Variants in STK32B observed in about 807,000 individuals in gnomAD.
The protein encoded by STK32B is serine/threonine-protein kinase 32B.
Under a neutral mutation model 52.6 loss-of-function variants are expected in STK32B, and 43 were observed. That is an observed-to-expected ratio of 0.82 (90% confidence interval 0.64 to 1.05). The LOEUF is 1.05. Among genes scored for constraint, STK32B ranks in the 50% least tolerant of loss-of-function variants. STK32B has a pLI of 0.00. For synonymous variants in STK32B, 238 were observed against 204.3 expected, an observed-to-expected ratio of 1.17 and a Z score of -1.41; for missense variants, 621 against 534.6, an observed-to-expected ratio of 1.16 and a Z score of -1.59.
chr4:5,383,172 C>T lies in STK32B; in HGVS notation c.435-15035C>T, dbSNP rs147878141. On this transcript the variant is annotated intron_variant, in intron 4 of 11. Transcript: ENST00000282908. ...CCGTGGGTAGGTGAGTGTGGGTGTC[C>T]GGGCCTGGAGGGTGCGTATTTTTCA... is the stretch of plus-strand genomic sequence containing the variant. Among the ~76,000 whole-genome samples, 60 of 152,258 alleles carry T rather than the reference C, an allele frequency of 3.9e-4. 1 individual carries two copies. In the East Asian group the frequency reaches 0.01, roughly 26 times the overall value.
chr4:5,417,662 G>T (rs980250167), intron 6 of STK32B, among the ~76,000 whole-genome samples: 4 of 151,914 alleles, frequency 2.6e-5, no homozygotes, highest in Non-Finnish European at 5.9e-5. Context: ...AATTAATGTT[G>T]TTTTTCAGGT....
At chr4:5,103,723 A>G (rs982148561) in intron 1 of STK32B, among the ~76,000 whole-genome samples, 6 of 152,190 alleles carry the variant, frequency 3.9e-5, no homozygotes, top group African/African-American at 1.4e-4. Context: ...GGTAATTTGC[A>G]TGTCACCTAC....
At chr4:5,131,441 G>C (rs1715765544) in intron 1 of STK32B, among the ~76,000 whole-genome samples, 1 of 152,154 alleles carries the variant, frequency 6.6e-6, no homozygotes, top group Non-Finnish European at 1.5e-5. Flanking sequence ...AACATCAACA[G>C]ACCATATTTT....
intron 6 of STK32B, 105 bp from the exon 7 acceptor site, chr4:5,446,568 A>C: frequency 2.2e-5 from 20 of 916,644 alleles, no homozygotes; most frequent in East Asian, 9.5e-5. Flanking sequence ...AAAAAAAACA[A>C]AAAAAAAAAA....
At chr4:5,067,579 T>C (rs1742472505) in intron 1 of STK32B, among the ~76,000 whole-genome samples, 1 of 152,210 alleles carries the variant, frequency 6.6e-6, no homozygotes, top group Admixed American at 6.5e-5. Context: ...AATAAAATTA[T>C]ACTTAATAAA....
chr4:5,144,814 ATCC>A (rs1716781739), intron 2 of STK32B, among the ~76,000 whole-genome samples: 2 of 152,094 alleles, frequency 1.3e-5, no homozygotes, highest in African/African-American at 4.8e-5. Context: ...CCATCCATCC[ATCC>A]ATCCATCCAT....
At position 5,292,737 on chromosome 4, in the gene STK32B, G is replaced by T. The variant is rs13151806; in HGVS notation, c.261-38483G>T. ...AAACTTTTGCCTAGGCCAATGTCCA[G>T]CAGAGTATTTCCTAGGTTTTGCTCT... On this transcript the variant is annotated intron_variant, in intron 3 of 11. Transcript: ENST00000282908. 4.9e-3 allele frequency among the ~76,000 whole-genome samples: 744 copies of T among 152,056 alleles called. 9 individuals are homozygous for T. Among genetic ancestry groups the T allele is most frequent in the Middle Eastern group, 0.01 (3 of 294 alleles).
intron 11 of STK32B, among the ~76,000 whole-genome samples, chr4:5,477,700 G>T (rs547776429): frequency 6.6e-6 from 1 of 152,314 alleles, no homozygotes; most frequent in African/African-American, 2.4e-5. Flanking sequence ...GCCCTCTGGA[G>T]AGTTTTGCCC....
chr4:5,022,230 CTT>C, the STK32B span, among the ~76,000 whole-genome samples: 1 of 152,178 alleles, frequency 6.6e-6, no homozygotes, highest in Non-Finnish European at 1.5e-5. Context: ...GAAAGACAGT[CTT>C]TCTCATCTGT....
chr4:5,056,763 A>G (rs999613866), intron 1 of STK32B, among the ~76,000 whole-genome samples: 2 of 152,208 alleles, frequency 1.3e-5, no homozygotes, highest in Non-Finnish European at 2.9e-5. Context: ...AATTGGCTGG[A>G]CTGTGTCACA....
chr4:5,205,112 T>G (rs1722465830), intron 3 of STK32B, among the ~76,000 whole-genome samples: 1 of 152,170 alleles, frequency 6.6e-6, no homozygotes, highest in Non-Finnish European at 1.5e-5. Context: ...AGCAGGGACA[T>G]CCACCTTCTT....
intron 3 of STK32B, among the ~76,000 whole-genome samples, chr4:5,247,059 C>G (rs576424899): frequency 2.0e-5 from 3 of 152,220 alleles, no homozygotes; most frequent in Admixed American, 6.5e-5. Flanking sequence ...GTTCTCAGAT[C>G]TCAAGCTGCA....
intron 1 of STK32B, among the ~76,000 whole-genome samples, chr4:5,077,221 A>G (rs1712137114): frequency 6.6e-6 from 1 of 152,190 alleles, no homozygotes; most frequent in African/African-American, 2.4e-5. Context: ...CTGTACATTT[A>G]ATATGGTCCC....
chr4:5,365,411 G>A (rs1734812551), intron 4 of STK32B, among the ~76,000 whole-genome samples: 1 of 152,302 alleles, frequency 6.6e-6, no homozygotes, highest in Admixed American at 6.5e-5. Context: ...GTGTCCAGAG[G>A]AAGTGAGGGA....
the STK32B span, among the ~76,000 whole-genome samples, chr4:5,039,153 T>G: frequency 6.6e-6 from 1 of 151,912 alleles, no homozygotes; most frequent in Non-Finnish European, 1.5e-5. Flanking sequence ...TGCCCAGATA[T>G]ATATATATTT....
At chr4:5,189,363 G>T (rs1721003913) in intron 3 of STK32B, among the ~76,000 whole-genome samples, 2 of 152,180 alleles carry the variant, frequency 1.3e-5, no homozygotes, top group Non-Finnish European at 2.9e-5. Flanking sequence ...AGTGTTTTCA[G>T]AGTTGTGCCT....
chr4:5,397,185 T>G (rs1157611146), intron 4 of STK32B, among the ~76,000 whole-genome samples: 1 of 152,254 alleles, frequency 6.6e-6, no homozygotes, highest in Non-Finnish European at 1.5e-5. Context: ...CTATCATTAG[T>G]CTCAGTAGAT....
chr4:5,216,282 A>G lies in STK32B; in HGVS notation c.260+47832A>G, dbSNP rs73081622. Among the ~76,000 whole-genome samples the G allele has an allele frequency of 4.9e-3, 748 of 152,278 alleles. 4 individuals carry two copies. The highest frequency in any genetic ancestry group is 0.016 in the African/African-American group (673 of 41,554). ...GCCACACTTTAAGAACTGCTGTTAA[A>G]GACCAAGATAATCCCTTTATCTTGG... On this transcript the variant is annotated intron_variant, in intron 3 of 11. Transcript: ENST00000282908.
chr4:5,165,222 G>C (rs928103144), intron 2 of STK32B, among the ~76,000 whole-genome samples: 2 of 152,094 alleles, frequency 1.3e-5, no homozygotes, highest in Non-Finnish European at 2.9e-5. Flanking sequence ...CCTGATCCTT[G>C]GCCTCTCTTA....
Sources: gnomAD v4.1 joint callset for allele counts (sites outside exome capture counted in the v4.1 genomes callset) on GRCh38, gnomAD v4.1.1 for gene constraint, MANE v1.5 for transcripts, NCBI Gene and HGNC (gene_info 2026-07-23, HGNC 2026-07-21) for gene names.